The following DPP6 variants were observed in gnomAD, a reference collection of about 807,000 sequenced individuals.
The protein encoded by DPP6 is A-type potassium channel modulatory protein DPP6.
DPP6 carries 69 observed loss-of-function variants against 122.6 expected under a neutral mutation model. That is an observed-to-expected ratio of 0.56 (90% CI 0.46 to 0.69). The LOEUF (loss-of-function observed/expected upper bound fraction) is 0.69. DPP6 is among the 30% of genes least tolerant of loss of function. DPP6 has a pLI of 0.00. For missense variants in DPP6, 928 were observed against 1,116.9 expected (o/e 0.83, Z 2.41); for synonymous variants, 418 against 433.1 (o/e 0.97, Z 0.43).
chr7:154,496,271 C>A, intron 3 of DPP6, among the ~76,000 whole-genome samples: 1 of 152,184 alleles, frequency 6.6e-6, no homozygotes, highest in East Asian at 1.9e-4. Flanking sequence ...TCTCAGAATC[C>A]AAGACTGCAA....
At chr7:154,387,732 A>G (rs1264308726) in intron 1 of DPP6, among the ~76,000 whole-genome samples, 1 of 152,126 alleles carries the variant, frequency 6.6e-6, no homozygotes, top group Non-Finnish European at 1.5e-5. Flanking sequence ...GGATTACTGT[A>G]GGCTTTGGGA....
intron 7 of DPP6, among the ~76,000 whole-genome samples, chr7:154,697,284 C>G (rs1290385303): frequency 6.6e-6 from 1 of 152,204 alleles, no homozygotes; most frequent in Non-Finnish European, 1.5e-5. Context: ...TTGGACAACC[C>G]AGGCCGCCAT....
At chr7:153,981,698 A>G (rs1167687105) in intron 1 of DPP6, among the ~76,000 whole-genome samples, 1 of 151,976 alleles carries the variant, frequency 6.6e-6, no homozygotes, top group African/African-American at 2.4e-5. Flanking sequence ...CCCTTTCCAT[A>G]TTTAGTGCTT....
chr7:154,351,091 G>C (rs1485106888), intron 1 of DPP6, among the ~76,000 whole-genome samples: 1 of 152,196 alleles, frequency 6.6e-6, no homozygotes. Flanking sequence ...TGTGACGGGG[G>C]CACGTGACTT....
chr7:154,022,211 GA>G (rs1798737749), intron 1 of DPP6, among the ~76,000 whole-genome samples: 1 of 152,134 alleles, frequency 6.6e-6, no homozygotes, highest in Admixed American at 6.6e-5. Flanking sequence ...TTTTGTGATG[GA>G]AAAAGTAATA....
At chr7:154,091,116 T>G (rs1358502508) in intron 1 of DPP6, among the ~76,000 whole-genome samples, 5 of 131,782 alleles carry the variant, frequency 3.8e-5, no homozygotes, top group African/African-American at 9.1e-5. Context: ...GCAAGACTCC[T>G]TCTCAAAAAA....
At chr7:154,797,060 G>A (rs2150438454) in intron 12 of DPP6, among the ~76,000 whole-genome samples, 1 of 152,236 alleles carries the variant, frequency 6.6e-6, no homozygotes, top group South Asian at 2.1e-4. Context: ...AAACATATAA[G>A]CATATAAGCA....
At chr7:154,883,032 C>T (rs1805529544) in intron 21 of DPP6, among the ~76,000 whole-genome samples, 1 of 131,302 alleles carries the variant, frequency 7.6e-6, no homozygotes, top group Non-Finnish European at 1.6e-5. Flanking sequence ...CTCACCCATA[C>T]ACATGCTCAC....
chr7:153,843,129 CACTT>C, the DPP6 span, among the ~76,000 whole-genome samples: 1 of 151,918 alleles, frequency 6.6e-6, no homozygotes, highest in Non-Finnish European at 1.5e-5. Flanking sequence ...TGCGCATACA[CACTT>C]GCATACAGAC....
intron 5 of DPP6, among the ~76,000 whole-genome samples, chr7:154,611,931 G>GTAA (rs1444095212): frequency 2.0e-5 from 3 of 152,098 alleles, no homozygotes; most frequent in Non-Finnish European, 2.9e-5. Context: ...GTAGGTTTGT[G>GTAA]TAATAGCACC....
chr7:153,800,493 A>G, the DPP6 span, among the ~76,000 whole-genome samples: 1 of 152,182 alleles, frequency 6.6e-6, no homozygotes, highest in Non-Finnish European at 1.5e-5. Flanking sequence ...ACTACATTCT[A>G]ATGTTCAACA....
the DPP6 span, among the ~76,000 whole-genome samples, chr7:153,759,941 G>A: frequency 6.7e-6 from 1 of 148,810 alleles, no homozygotes; most frequent in Non-Finnish European, 1.5e-5. Flanking sequence ...CTCTGTTTCT[G>A]TCTCTCTCTC....
At chr7:154,489,516 T>G (rs1824089463) in intron 3 of DPP6, among the ~76,000 whole-genome samples, 1 of 152,284 alleles carries the variant, frequency 6.6e-6, no homozygotes, top group East Asian at 1.9e-4. Context: ...GAAATAGATA[T>G]AGCATCTGGA....
intron 14 of DPP6, among the ~76,000 whole-genome samples, chr7:154,804,470 C>T (rs1367304156): frequency 6.6e-6 from 1 of 152,174 alleles, no homozygotes; most frequent in Non-Finnish European, 1.5e-5. Flanking sequence ...CTCCCTGCTC[C>T]TGGGGTAAAA....
At chr7:154,392,923 C>T (rs1448657928) in intron 1 of DPP6, among the ~76,000 whole-genome samples, 2 of 152,192 alleles carry the variant, frequency 1.3e-5, no homozygotes, top group Non-Finnish European at 1.5e-5. Flanking sequence ...GAGACATCAG[C>T]TGTGGGTCAA....
At chr7:154,399,154 T>C (rs1815352261) in intron 1 of DPP6, among the ~76,000 whole-genome samples, 1 of 152,194 alleles carries the variant, frequency 6.6e-6, no homozygotes, top group Non-Finnish European at 1.5e-5. Context: ...TTCTGGAAAC[T>C]CAGGAGAAGC....
chr7:154,746,980 C>T (rs935636758), intron 8 of DPP6, among the ~76,000 whole-genome samples: 1 of 152,288 alleles, frequency 6.6e-6, no homozygotes, highest in South Asian at 2.1e-4. Context: ...CTGAGGGGAC[C>T]ATTCGTAGCT....
chr7:153,928,682 G>C (rs1801035999), intron 1 of DPP6, among the ~76,000 whole-genome samples: 1 of 151,946 alleles, frequency 6.6e-6, no homozygotes, highest in Non-Finnish European at 1.5e-5. Context: ...GATCATCCTG[G>C]AAGGCCCCAC....
At chr7:154,055,728 G>A (rs1434840522) in intron 1 of DPP6, 3 of 152,184 alleles carry the variant, frequency 2.0e-5, no homozygotes, top group African/African-American at 7.2e-5. Flanking sequence ...CCTTCTCTTG[G>A]CTTAGCGCAG....
Sources: gnomAD v4.1 joint callset for allele counts (sites outside exome capture counted in the v4.1 genomes callset) on GRCh38, gnomAD v4.1.1 for gene constraint, MANE v1.5 for transcripts, NCBI Gene and HGNC (gene_info 2026-07-23, HGNC 2026-07-21) for gene names.